Variants in LYZL2 observed in about 807,000 individuals in gnomAD.
LYZL2 encodes the protein lysozyme-like protein 2.
Under a neutral mutation model 17.1 loss-of-function variants are expected in LYZL2, and 13 were observed. The observed-to-expected ratio is 0.76, with a 90% CI of 0.49 to 1.21. LYZL2 has a LOEUF of 1.21. LYZL2 is among the 50% of genes most tolerant of loss of function. LYZL2 has a pLI of 0.00. For synonymous variants in LYZL2, 63 were observed against 74.4 expected (o/e 0.85, Z 0.79); for missense variants, 166 against 189.2 (o/e 0.88, Z 0.72).
chr10:30,627,936 G>T (rs1838743782), intron 1 of LYZL2, among the ~76,000 whole-genome samples: 1 of 152,174 alleles, frequency 6.6e-6, no homozygotes, highest in Admixed American at 6.5e-5. Context: ...GAGACGGGCG[G>T]ATCACGAGGT....
downstream of LYZL2, among the ~76,000 whole-genome samples, chr10:30,611,607 G>GAAAGAAAGAA (rs1838441279): frequency 1.4e-5 from 2 of 138,136 alleles, no homozygotes; most frequent in Admixed American, 1.5e-4. Context: ...AAGAAAGAAA[G>GAAAGAAAGAA]AAAGAAAGAG....
chr10:30,615,887 G>GA (rs35234112), intron 3 of LYZL2, among the ~76,000 whole-genome samples: 124,582 of 151,020 alleles, frequency 0.82, 51,989 homozygotes, highest in African/African-American at 0.91. Flanking sequence ...CACTGGTTTA[G>GA]AAAAAAAAAG....
At chr10:30,610,150 A>G (rs1214174051), downstream of LYZL2, among the ~76,000 whole-genome samples, 1 of 152,078 alleles carries the variant, frequency 6.6e-6, no homozygotes, top group African/African-American at 2.4e-5. Flanking sequence ...AACAAATCTC[A>G]TAATATTTTA....
At chr10:30,611,219 A>G (rs1838428180), downstream of LYZL2, among the ~76,000 whole-genome samples, 1 of 152,126 alleles carries the variant, frequency 6.6e-6, no homozygotes, top group African/African-American at 2.4e-5. Context: ...TGCCATTAAG[A>G]CATCATTGAA....
chr10:30,612,986 CT>C, intron 3 of LYZL2, 86 bp from the exon 4 acceptor site: 1 of 1,027,292 alleles, frequency 9.7e-7, no homozygotes, highest in Non-Finnish European at 1.5e-6. Flanking sequence ...TTTTCTCAGT[CT>C]TTTTGGGATG....
At chr10:30,606,351 CTTT>C in the LYZL2 span, among the ~76,000 whole-genome samples, 2 of 131,838 alleles carry the variant, frequency 1.5e-5, no homozygotes, top group Admixed American at 7.7e-5. Context: ...ATAATAATTA[CTTT>C]TTTTTTTTTT....
At chr10:30,614,829 T>A (rs369234939) in intron 3 of LYZL2, among the ~76,000 whole-genome samples, 73 of 152,264 alleles carry the variant, frequency 4.8e-4, no homozygotes, top group African/African-American at 1.7e-3. Context: ...TCCAGATCTA[T>A]CCTAAGGAAA....
intron 1 of LYZL2, among the ~76,000 whole-genome samples, 195 bp downstream of exon 1, chr10:30,629,393 CAAAAA>C (rs201593551): frequency 8.4e-6 from 1 of 119,626 alleles, no homozygotes. Context: ...CATCCTGTTT[CAAAAA>C]AAAAAAAAAA....
At chr10:30,620,436 G>A (rs1316802549) in intron 3 of LYZL2, among the ~76,000 whole-genome samples, 1 of 152,180 alleles carries the variant, frequency 6.6e-6, no homozygotes, top group Non-Finnish European at 1.5e-5. Flanking sequence ...AGGGTGTACT[G>A]TCTATTCTGC....
chr10:30,626,251 G>T lies in LYZL2; in HGVS notation c.152C>A (p.Ala51Glu), dbSNP rs144040075. 2 of 1,614,164 alleles carry T rather than the reference G, an allele frequency of 1.2e-6. No homozygotes were observed. Among genetic ancestry groups the T allele is most frequent in the Non-Finnish European group, 1.7e-6 (2 of 1,179,998 alleles). The change falls in exon 3 of 5, where the codon GCG becomes GAG. Residue 51 changes from alanine to glutamate, a missense_variant. By Grantham distance (107) the Ala-to-Glu change is moderately radical (BLOSUM62 -1). This residue lies in a region of LYZL2 where 134 missense variants were observed against 129.4 expected (regional missense o/e 1.04). Coordinates refer to ENST00000647634, the MANE Select transcript of LYZL2 (RefSeq NM_183058.3). ...GFSLGNWICM[A>E]YYESGYNTTA... Reference sequence around the variant, plus strand: ...GGTGTTGTAGCCGCTCTCATAATACGCCATGCAGATCCCTGGAGGGGGGAA... The same window carrying T: ...GGTGTTGTAGCCGCTCTCATAATACTCCATGCAGATCCCTGGAGGGGGGAA...
At chr10:30,627,319 G>A (rs2497100) in intron 1 of LYZL2, among the ~76,000 whole-genome samples, 32,311 of 145,362 alleles carry the variant, frequency 0.22, 3,506 homozygotes, top group East Asian at 0.38. Flanking sequence ...TGAACATCAT[G>A]GGTTTGAACT....
At chr10:30,614,520 G>T (rs546332733) in intron 3 of LYZL2, among the ~76,000 whole-genome samples, 1 of 152,212 alleles carries the variant, frequency 6.6e-6, no homozygotes, top group Non-Finnish European at 1.5e-5. Context: ...CTGCAGCGGG[G>T]GCAGCATGTC....
chr10:30,609,764 A>G (rs1838411697), downstream of LYZL2, among the ~76,000 whole-genome samples: 1 of 152,232 alleles, frequency 6.6e-6, no homozygotes, highest in Admixed American at 6.5e-5. Flanking sequence ...ACTTCTGTTG[A>G]ATAAAGATAG....
At position 30,612,000 on chromosome 10, in the gene LYZL2, C is replaced by T. The variant is rs761194429; in HGVS notation, c.402G>A (p.Glu134=). 1 of 1,614,192 alleles carries T rather than the reference C, an allele frequency of 6.2e-7. No individual in the cohort carries two copies. The highest frequency in any genetic ancestry group is 8.5e-7 in the Non-Finnish European group (1 of 1,180,024). ...TTTTCCAGTCGGACAGGTCTCTCCCCTCACAGTGTTTCTTCCAGCCTTGCC... is the reference window on the plus strand; with the variant it reads ...TTTTCCAGTCGGACAGGTCTCTCCCTTCACAGTGTTTCTTCCAGCCTTGCC... The part of the protein sequence containing the change: ...NYWQGWKKHC[E]GRDLSDWKKD... Residue 134 remains glutamate (E), a synonymous_variant, in exon 5 of 5, where the codon GAG becomes GAA. Transcript: ENST00000647634.
intron 3 of LYZL2, among the ~76,000 whole-genome samples, chr10:30,625,180 C>T (rs2132949405): frequency 6.6e-6 from 1 of 152,294 alleles, no homozygotes; most frequent in African/African-American, 2.4e-5. Context: ...CTCTTCCAGC[C>T]TAGAGGACTG....
chr10:30,606,689 G>A, the LYZL2 span, among the ~76,000 whole-genome samples: 21,462 of 152,070 alleles, frequency 0.14, 1,651 homozygotes, highest in East Asian at 0.24. Flanking sequence ...TCTCAGAGGA[G>A]GTGGGCTTAA....
downstream of LYZL2, among the ~76,000 whole-genome samples, chr10:30,608,683 A>T (rs367940929): frequency 7.7e-4 from 118 of 152,298 alleles, 1 homozygote; most frequent in South Asian, 0.011. Context: ...TGAAGGTTAC[A>T]TTCCCCTATA....
intron 3 of LYZL2, among the ~76,000 whole-genome samples, chr10:30,625,863 C>A (rs1433960578): frequency 6.6e-6 from 1 of 152,208 alleles, no homozygotes; most frequent in African/African-American, 2.4e-5. Flanking sequence ...GTTTGTCCAT[C>A]CCCCTGCTTT....
downstream of LYZL2, among the ~76,000 whole-genome samples, chr10:30,611,160 C>T (rs917493013): frequency 6.6e-6 from 1 of 152,132 alleles, no homozygotes; most frequent in Non-Finnish European, 1.5e-5. Context: ...ACGTTTGTTT[C>T]CCTCAGGGCT....
Sources: gnomAD v4.1 joint callset for allele counts (sites outside exome capture counted in the v4.1 genomes callset) on GRCh38, gnomAD v4.1.1 for gene constraint, gnomAD v4.1.1 regional missense constraint, MANE v1.5 for transcripts, NCBI Gene and HGNC (gene_info 2026-07-23, HGNC 2026-07-21) for gene names.